Variants in UTP20 observed in about 807,000 individuals in gnomAD.
UTP20 encodes small subunit processome component 20 homolog.
In UTP20, 164 loss-of-function variants were observed where a neutral mutation model predicts 329.5. The observed-to-expected ratio is 0.50, with a 90% CI of 0.44 to 0.57. The LOEUF (loss-of-function observed/expected upper bound fraction) is 0.57, where lower values mean the gene tolerates loss of function less well. Ranked by LOEUF, UTP20 falls within the 20% of genes least tolerant of loss-of-function variation. The pLI, the probability that UTP20 is intolerant of heterozygous loss-of-function variation, is 0.00. For missense variants in UTP20, 3,055 were observed against 3,284.2 expected, an observed-to-expected ratio of 0.93 and a Z score of 1.71; for synonymous variants, 1,151 against 1,159.3, an observed-to-expected ratio of 0.99 and a Z score of 0.14.
chr12:101,367,721 C>A, intron 47 of UTP20, 139 bp from the exon 48 acceptor site: 1 of 633,826 alleles, frequency 1.6e-6, no homozygotes, highest in Non-Finnish European at 2.8e-6. Context: ...GGCAGTTTGT[C>A]ATTCCTTAAA....
At chr12:101,309,891 T>G (rs780590781) in intron 19 of UTP20, 52 bp downstream of exon 19, 1 of 1,503,622 alleles carries the variant, frequency 6.7e-7, no homozygotes. Context: ...TACTGCAGAA[T>G]GATGGGGCCC....
At chr12:101,316,617 G>A (rs1008571832) in intron 21 of UTP20, among the ~76,000 whole-genome samples, 29 of 152,274 alleles carry the variant, frequency 1.9e-4, no homozygotes, top group Admixed American at 4.6e-4. Context: ...TAGGAGGGTT[G>A]GTAGGGTGCT....
At chr12:101,334,004 T>A (rs925445347) in intron 28 of UTP20, among the ~76,000 whole-genome samples, 3 of 152,236 alleles carry the variant, frequency 2.0e-5, no homozygotes, top group Non-Finnish European at 2.9e-5. Context: ...GCGTTGCCTC[T>A]GGCTTTGGAC....
At chr12:101,296,443 C>T (rs891227219) in intron 12 of UTP20, among the ~76,000 whole-genome samples, 3 of 152,056 alleles carry the variant, frequency 2.0e-5, no homozygotes, top group African/African-American at 4.8e-5. Flanking sequence ...TGGTGGCGGA[C>T]GCCTGTAGTC....
At chr12:101,383,495 G>T (rs759494446) in intron 59 of UTP20, 48 bp from the exon 60 acceptor site, 8 of 1,594,872 alleles carry the variant, frequency 5.0e-6, no homozygotes, top group African/African-American at 1.3e-5. Context: ...CTATGATTGA[G>T]TGCTAAAGAG....
At chr12:101,341,126 C>T (rs957220385) in intron 32 of UTP20, among the ~76,000 whole-genome samples, 3 of 151,738 alleles carry the variant, frequency 2.0e-5, no homozygotes, top group African/African-American at 7.3e-5. Context: ...CAGGTGCCTG[C>T]CACCACGCCC....
intron 19 of UTP20, 114 bp from the exon 20 acceptor site, chr12:101,311,605 G>A: frequency 1.1e-6 from 1 of 924,926 alleles, no homozygotes. Flanking sequence ...CCACATTGAG[G>A]GATAACCTAA....
chr12:101,326,993 G>A, intron 25 of UTP20, 88 bp from the exon 26 acceptor site: 1 of 1,269,914 alleles, frequency 7.9e-7, no homozygotes, highest in South Asian at 1.6e-5. Context: ...TAAATCTATT[G>A]AGTTGCTCTT....
intron 38 of UTP20, among the ~76,000 whole-genome samples, chr12:101,348,285 A>G (rs1179056411): frequency 1.3e-5 from 2 of 152,194 alleles, no homozygotes; most frequent in African/African-American, 4.8e-5. Flanking sequence ...ATGATTATTT[A>G]TAAGGTTGTG....
chr12:101,354,193 C>CAGATGTTGCGGTAAGCTG (rs1439905046), intron 40 of UTP20, among the ~76,000 whole-genome samples: 1 of 142,132 alleles, frequency 7.0e-6, no homozygotes. Flanking sequence ...ACCCAGGAGG[C>CAGATGTTGCGGTAAGCTG]AGATGTTGCG....
chr12:101,301,345 G>GCC (rs34792833), intron 14 of UTP20, among the ~76,000 whole-genome samples: 1 of 151,186 alleles, frequency 6.6e-6, no homozygotes, highest in Non-Finnish European at 1.5e-5. Context: ...CATAGTGAGA[G>GCC]CCCCCCCCGC....
rs201663741 is a variant in UTP20, at chr12:101,342,925, A to G, written c.4297-16A>G. 1.4e-5 allele frequency: 23 copies of G among 1,610,336 alleles called. No individual in the cohort carries two copies. Among genetic ancestry groups the G allele is most frequent in the Admixed American group, 8.4e-5 (5 of 59,228 alleles). ...ATATGCCTTCTTTTATATAACTTCAATGGCATTTCTTATAGCTTAACGCCT... is the reference window on the plus strand; with the variant it reads ...ATATGCCTTCTTTTATATAACTTCAGTGGCATTTCTTATAGCTTAACGCCT... On this transcript the variant is annotated splice_polypyrimidine_tract_variant and intron_variant, in intron 34 of 61. Transcript: ENST00000261637.
Position 101,340,625 on chromosome 12 carries a change from G to A in UTP20, c.4101+15G>A, listed in dbSNP as rs1479883286. On this transcript the variant is annotated intron_variant, in intron 32 of 61. Coordinates refer to ENST00000261637, the MANE Select transcript of UTP20 (RefSeq NM_014503.3). ...ATATTGCTGAGGTACAAACTCATAGGACACTTAACTTTGTCTCTAGAGTGG... is the reference window on the plus strand; with the variant it reads ...ATATTGCTGAGGTACAAACTCATAGAACACTTAACTTTGTCTCTAGAGTGG... The A allele has an allele frequency of 1.3e-6, 2 of 1,560,046 alleles. No homozygotes were observed. Among genetic ancestry groups the A allele is most frequent in the Admixed American group, 3.4e-5 (2 of 58,450 alleles).
In UTP20 at chr12:101,355,038, A is replaced by G. The variant is rs751752396; in HGVS notation, c.5314A>G (p.Ile1772Val). Residue 1772 changes from isoleucine (I) to valine (V), a missense_variant, in exon 41 of 62, where the codon ATA becomes GTA. By Grantham distance (29) the Ile-to-Val change is conservative. Transcript: ENST00000261637. ...TTTCCTTCCTCAAAACAAGGAAGAA[A>G]TAGAGAGAACAATTAAAAATATCCA... ...VSFLPQNKEE[I>V]ERTIKNIQGT... 6.2e-6 allele frequency: 10 copies of G among 1,614,226 alleles called. No individual in the cohort carries two copies. The highest frequency in any genetic ancestry group is 1.1e-5 in the South Asian group (1 of 91,088).
intron 19 of UTP20, among the ~76,000 whole-genome samples, chr12:101,311,312 T>C (rs1296545190): frequency 6.6e-6 from 1 of 152,248 alleles, no homozygotes; most frequent in Admixed American, 6.5e-5. Context: ...ATTTTGTCTT[T>C]GTGTTAATAA....
Position 101,299,689 on chromosome 12 carries a change from A to T in UTP20, c.1438A>T (p.Ile480Leu). ...TTTTTTTTAATCCTTCAGATTCTATATAAAGCAGAAGAAGACTAGATCCAA... is the reference window on the plus strand; with the variant it reads ...TTTTTTTTAATCCTTCAGATTCTATTTAAAGCAGAAGAAGACTAGATCCAA... ...VFSPQMVGFY[I>L]KQKKTRSKGR... Residue 480 changes from isoleucine to leucine, a missense_variant, in exon 13 of 62, where the codon ATA becomes TTA. Around this residue, in one of 3 missense-constraint regions of UTP20, gnomAD observed 2,445 missense variants for 2,575.5 expected, o/e 0.95. Coordinates refer to ENST00000261637, the MANE Select transcript of UTP20 (RefSeq NM_014503.3). 6.3e-7 allele frequency: 1 copy of T among 1,586,744 alleles called. No individual in the cohort carries two copies. Among genetic ancestry groups the T allele is most frequent in the South Asian group, 1.2e-5 (1 of 85,294 alleles).
intron 12 of UTP20, among the ~76,000 whole-genome samples, chr12:101,297,480 G>A (rs1462362252): frequency 6.6e-6 from 1 of 152,204 alleles, no homozygotes; most frequent in Non-Finnish European, 1.5e-5. Context: ...CTCTCAAAGT[G>A]TTGGGGTTAC....
intron 60 of UTP20, among the ~76,000 whole-genome samples, chr12:101,384,242 C>T (rs1870752925): frequency 6.6e-6 from 1 of 152,150 alleles, no homozygotes; most frequent in South Asian, 2.1e-4. Context: ...TCATTACATT[C>T]TCATCTTAAA....
intron 56 of UTP20, 148 bp downstream of exon 56, chr12:101,375,904 A>G: frequency 1.8e-6 from 1 of 552,598 alleles, no homozygotes; most frequent in Non-Finnish European, 3.1e-6. Context: ...AGGTTCTATC[A>G]GATTGAACAC....
Sources: allele counts gnomAD v4.1 joint callset (sites outside exome capture counted in the v4.1 genomes callset), GRCh38; gene constraint gnomAD v4.1.1; regional missense constraint gnomAD v4.1.1; transcripts MANE v1.5; gene names NCBI Gene and HGNC (gene_info 2026-07-23, HGNC 2026-07-21).